The following GBE1 variants were observed in gnomAD, a reference collection of about 807,000 sequenced individuals.
The protein encoded by GBE1 is 1,4-alpha-glucan branching enzyme 1, also known as 1,4-alpha-glucan-branching enzyme.
Under a neutral mutation model 88.8 loss-of-function variants are expected in GBE1, and 70 were observed. The ratio of observed to expected loss-of-function variants is 0.79; its 90% CI spans 0.65 to 0.96. The LOEUF (loss-of-function observed/expected upper bound fraction) is 0.96. Among genes scored for constraint, GBE1 ranks in the 40% least tolerant of loss-of-function variants. GBE1 has a pLI of 0.00. For missense variants in GBE1, 872 were observed against 871.0 expected, an observed-to-expected ratio of 1.00 and a Z score of -0.01; for synonymous variants, 284 against 300.1, an observed-to-expected ratio of 0.95 and a Z score of 0.56.
chr3:81,750,602 T>TATAC (rs1559708627), intron 1 of GBE1, among the ~76,000 whole-genome samples: 1 of 28,988 alleles, frequency 3.4e-5, no homozygotes, highest in African/African-American at 1.6e-4. Context: ...TATATATATG[T>TATAC]GTATATATAT....
chr3:81,681,132 A>C (rs1705334139), intron 2 of GBE1, among the ~76,000 whole-genome samples: 1 of 152,262 alleles, frequency 6.6e-6, no homozygotes, highest in Non-Finnish European at 1.5e-5. Flanking sequence ...GAAAGAACAC[A>C]GAAAGGATAA....
rs769615319 is a variant in GBE1, at chr3:81,642,790, GCAAA to G, written c.979_982del (p.Phe327ProfsTer8). The stretch of plus-strand genomic sequence containing the variant: ...TATTGTATGTACCTACCTGGAGTAG[GCAAA>G]CAATCTGCTATCCCAAAGATCATGA... On this transcript the variant is annotated frameshift_variant, in exon 7 of 16. Coordinates refer to ENST00000429644, the MANE Select transcript of GBE1 (RefSeq NM_000158.4). LOFTEE classifies it high-confidence loss of function. The G allele has an allele frequency of 1.2e-6, 2 of 1,600,502 alleles. No homozygotes were observed.
intron 7 of GBE1, among the ~76,000 whole-genome samples, chr3:81,595,324 T>C (rs374818137): frequency 6.6e-6 from 1 of 151,926 alleles, no homozygotes; most frequent in African/African-American, 2.4e-5. Context: ...AATAGAACTG[T>C]ATAAAATCAA....
At chr3:81,596,914 T>C (rs1703964147) in intron 7 of GBE1, among the ~76,000 whole-genome samples, 1 of 152,008 alleles carries the variant, frequency 6.6e-6, no homozygotes, top group African/African-American at 2.4e-5. Context: ...GTGAAAATAC[T>C]GATTTCTGAA....
Position 81,698,171 on chromosome 3 carries a change from T to C in GBE1, c.313+7273A>G, listed in dbSNP as rs992213026. Among the ~76,000 whole-genome samples the C allele has an allele frequency of 2.6e-5, 4 of 151,566 alleles. No individual in the cohort carries two copies. The East Asian group carries it at 5.8e-4, about 22-fold the overall frequency. The stretch of plus-strand genomic sequence containing the variant: ...TCAGTAAAAATAATCCCATTAGGCA[T>C]TATAGCAAAGCTCCATGATCCAGCA... On this transcript the variant is annotated intron_variant, in intron 2 of 15. Coordinates refer to ENST00000429644, the MANE Select transcript of GBE1 (RefSeq NM_000158.4).
intron 7 of GBE1, among the ~76,000 whole-genome samples, chr3:81,636,168 A>C (rs1704589225): frequency 6.6e-6 from 1 of 152,220 alleles, no homozygotes; most frequent in African/African-American, 2.4e-5. Context: ...GGATTGATAT[A>C]GCAACTTTCT....
intron 1 of GBE1, among the ~76,000 whole-genome samples, chr3:81,717,959 ATTT>A (rs1242561100): frequency 2.0e-3 from 87 of 42,440 alleles, no homozygotes; most frequent in South Asian, 0.014. Flanking sequence ...ATTTTATTTT[ATTT>A]ATTTATTTAT....
chr3:81,715,586 C>CTACTCTAAGTAGGTGG (rs1484139218), intron 1 of GBE1, among the ~76,000 whole-genome samples: 1 of 152,146 alleles, frequency 6.6e-6, no homozygotes. Flanking sequence ...TACTCTAAGA[C>CTACTCTAAGTAGGTGG]TAATTGGTAT....
chr3:81,702,062 A>G (rs1474482351), intron 2 of GBE1, among the ~76,000 whole-genome samples: 3 of 151,272 alleles, frequency 2.0e-5, no homozygotes, highest in African/African-American at 7.3e-5. Context: ...AATAAGGGAA[A>G]AATAAAATAC....
chr3:81,646,234 A>G (rs562595899), intron 6 of GBE1, among the ~76,000 whole-genome samples, 158 bp downstream of exon 6: 1 of 152,360 alleles, frequency 6.6e-6, no homozygotes, highest in East Asian at 1.9e-4. Context: ...CTGGAGGAGA[A>G]GAGAGTCTAT....
intron 1 of GBE1, among the ~76,000 whole-genome samples, chr3:81,721,006 T>C (rs1575765530): frequency 1.2e-5 from 1 of 83,000 alleles, no homozygotes; most frequent in Admixed American, 1.6e-4. Flanking sequence ...AACAATGAGA[T>C]CACATGGACA....
chr3:81,653,432 G>T (rs1052542016), intron 3 of GBE1, among the ~76,000 whole-genome samples: 1 of 152,064 alleles, frequency 6.6e-6, no homozygotes, highest in African/African-American at 2.4e-5. Flanking sequence ...GGTACAGTGA[G>T]CTATGATCAT....
At chr3:81,536,853 A>G (rs1391101896) in intron 13 of GBE1, 58 bp downstream of exon 13, 2 of 1,335,622 alleles carry the variant, frequency 1.5e-6, no homozygotes, top group African/African-American at 3.1e-5. Context: ...ATTGGTTGCC[A>G]TTCTAGGCAT....
chr3:81,689,371 T>C (rs1705486145), intron 2 of GBE1, among the ~76,000 whole-genome samples: 1 of 152,242 alleles, frequency 6.6e-6, no homozygotes, highest in Non-Finnish European at 1.5e-5. Flanking sequence ...ATATGGAGGC[T>C]TAACATGTTC....
intron 7 of GBE1, among the ~76,000 whole-genome samples, chr3:81,610,036 A>G (rs1207741941): frequency 6.6e-6 from 1 of 152,092 alleles, no homozygotes; most frequent in Non-Finnish European, 1.5e-5. Flanking sequence ...GCACAGAAAC[A>G]TGTGAAAGTG....
intron 1 of GBE1, among the ~76,000 whole-genome samples, chr3:81,750,621 A>ATATG (rs1706504586): frequency 2.9e-5 from 2 of 69,424 alleles, no homozygotes. Flanking sequence ...ATATATGTAT[A>ATATG]TATATATACG....
intron 6 of GBE1, 35 bp downstream of exon 6, chr3:81,646,357 A>C: frequency 7.7e-7 from 1 of 1,303,554 alleles, no homozygotes; most frequent in Non-Finnish European, 1.1e-6. Flanking sequence ...TATTGGCTCA[A>C]AATAAAAATG....
chr3:81,504,170 A>G (rs1209391274), intron 14 of GBE1, among the ~76,000 whole-genome samples: 2 of 152,188 alleles, frequency 1.3e-5, no homozygotes, highest in African/African-American at 2.4e-5. Context: ...TGGGAATCAC[A>G]TTTCAACATG....
intron 2 of GBE1, among the ~76,000 whole-genome samples, chr3:81,701,673 T>C (rs554532232): frequency 1.2e-4 from 18 of 152,214 alleles, no homozygotes; most frequent in Non-Finnish European, 2.4e-4. Context: ...GAACCATTGT[T>C]TAGAGAGCTC....
Sources: gnomAD v4.1 joint callset for allele counts (sites outside exome capture counted in the v4.1 genomes callset) on GRCh38, gnomAD v4.1.1 for gene constraint, MANE v1.5 for transcripts, NCBI Gene and HGNC (gene_info 2026-07-23, HGNC 2026-07-21) for gene names.